Variants in EXOC6B observed in about 807,000 individuals in gnomAD.
The protein encoded by EXOC6B is SEC15 homolog B.
EXOC6B carries 54 observed loss-of-function variants against 113.5 expected under a neutral mutation model. The ratio of observed to expected loss-of-function variants is 0.48; its 90% confidence interval spans 0.38 to 0.60. EXOC6B has a LOEUF of 0.60. EXOC6B is among the 20% of genes least tolerant of loss of function. EXOC6B has a pLI of 0.00. For missense variants in EXOC6B, 797 were observed against 977.5 expected, an observed-to-expected ratio of 0.82 and a Z score of 2.46; for synonymous variants, 357 against 339.0, an observed-to-expected ratio of 1.05 and a Z score of -0.58.
intron 19 of EXOC6B, among the ~76,000 whole-genome samples, chr2:72,349,190 A>G (rs568281530): frequency 6.6e-4 from 101 of 152,334 alleles, no homozygotes; most frequent in African/African-American, 2.3e-3. Context: ...TATGGGACTG[A>G]ATCGAATACA....
chr2:72,500,916 A>AT (rs1700285421), intron 11 of EXOC6B, among the ~76,000 whole-genome samples: 1 of 152,132 alleles, frequency 6.6e-6, no homozygotes, highest in Admixed American at 6.5e-5. Context: ...TTTTATACAT[A>AT]TTGATGCTTC....
chr2:72,263,554 C>A (rs1313283205), intron 20 of EXOC6B: 1 of 152,196 alleles, frequency 6.6e-6, no homozygotes, highest in Non-Finnish European at 1.5e-5. Flanking sequence ...GAAACTAAAT[C>A]TATGAATGCT....
At chr2:72,641,742 A>G (rs1252852078) in intron 6 of EXOC6B, among the ~76,000 whole-genome samples, 1 of 152,240 alleles carries the variant, frequency 6.6e-6, no homozygotes, top group Admixed American at 6.5e-5. Flanking sequence ...AGCCCTGAGA[A>G]CAGACAGACT....
At chr2:72,245,845 A>T (rs951190854) in intron 20 of EXOC6B, among the ~76,000 whole-genome samples, 1 of 152,260 alleles carries the variant, frequency 6.6e-6, no homozygotes, top group Non-Finnish European at 1.5e-5. Context: ...CACCTTTTAA[A>T]AAAACATCTG....
intron 1 of EXOC6B, among the ~76,000 whole-genome samples, chr2:72,769,467 T>C (rs764698125): frequency 1.1e-4 from 16 of 152,190 alleles, no homozygotes; most frequent in South Asian, 2.1e-4. Context: ...ATTTATATTA[T>C]ACTCTGAGTC....
intron 19 of EXOC6B, among the ~76,000 whole-genome samples, chr2:72,352,481 T>A (rs1313286934): frequency 6.6e-6 from 1 of 152,152 alleles, no homozygotes; most frequent in East Asian, 1.9e-4. Context: ...AAGGTGATAT[T>A]TGGGTTTTTT....
intron 6 of EXOC6B, among the ~76,000 whole-genome samples, chr2:72,716,248 A>T (rs979244257): frequency 6.6e-6 from 1 of 152,202 alleles, no homozygotes; most frequent in Non-Finnish European, 1.5e-5. Flanking sequence ...CAATGGAAGG[A>T]TTCTAAGTAC....
rs199798987 is a variant in EXOC6B, at chr2:72,718,239, C to T, written c.533G>A (p.Arg178Gln). 1,590 of 1,613,762 alleles carry T rather than the reference C, an allele frequency of 9.9e-4. 2 individuals carry two copies. Among genetic ancestry groups the T allele is most frequent in the Non-Finnish European group, 1.3e-3 (1,496 of 1,179,768 alleles). Reference sequence around the variant, plus strand: ...GTTGTCCACCATCACCTTGCAGAATCGATAGTGGCTTACTTGAGGCAGGTA... The same window carrying T: ...GTTGTCCACCATCACCTTGCAGAATTGATAGTGGCTTACTTGAGGCAGGTA... Reference protein sequence around the residue: ...HTYLPQVSHYRFCKVMVDNIP... With the variant: ...HTYLPQVSHYQFCKVMVDNIP... The change falls in exon 6 of 22, where the codon CGA becomes CAA. Residue 178 changes from arginine (R) to glutamine (Q), a missense_variant. By Grantham distance (43) the Arg-to-Gln change is conservative (BLOSUM62 1). Coordinates refer to ENST00000272427, the MANE Select transcript of EXOC6B (RefSeq NM_015189.3).
intron 6 of EXOC6B, among the ~76,000 whole-genome samples, chr2:72,712,967 A>G (rs181324157): frequency 9.2e-5 from 14 of 152,356 alleles, no homozygotes; most frequent in African/African-American, 2.9e-4. Context: ...CATAAGCCAC[A>G]TATGCTTCAG....
intron 6 of EXOC6B, among the ~76,000 whole-genome samples, chr2:72,608,177 A>G (rs1670863720): frequency 6.6e-6 from 1 of 152,152 alleles, no homozygotes; most frequent in Non-Finnish European, 1.5e-5. Context: ...AGAATGGAGC[A>G]TTAATATTTG....
rs565915162 is a variant in EXOC6B, at chr2:72,629,364, C to T, written c.670-53696G>A. On this transcript the variant is annotated intron_variant, in intron 6 of 21. Coordinates refer to ENST00000272427, the MANE Select transcript of EXOC6B (RefSeq NM_015189.3). Reference sequence around the variant, plus strand: ...ATGCACTGCTTGTAAACTGTTCCAACCTCTACTTACAATTAGTTATTTAAG... The same window carrying T: ...ATGCACTGCTTGTAAACTGTTCCAATCTCTACTTACAATTAGTTATTTAAG... Among the ~76,000 whole-genome samples the T allele has an allele frequency of 3.3e-5, 5 of 152,140 alleles. No homozygotes were observed. The South Asian group carries it at 1.0e-3, about 32-fold the overall frequency.
At chr2:72,423,759 A>C (rs1332890346) in intron 18 of EXOC6B, among the ~76,000 whole-genome samples, 1 of 152,136 alleles carries the variant, frequency 6.6e-6, no homozygotes, top group Non-Finnish European at 1.5e-5. Flanking sequence ...GTGCACACAT[A>C]CATACACACA....
intron 19 of EXOC6B, among the ~76,000 whole-genome samples, chr2:72,336,868 A>G (rs1240080843): frequency 6.6e-6 from 1 of 152,150 alleles, no homozygotes. Context: ...TTAGCTGGGC[A>G]TGGTGACACA....
At chr2:72,730,918 G>T (rs1273640168) in intron 5 of EXOC6B, 89 bp downstream of exon 5, 13 of 876,652 alleles carry the variant, frequency 1.5e-5, no homozygotes, top group Non-Finnish European at 2.2e-5. Flanking sequence ...TTAATTTTTT[G>T]AAAAGTTATG....
At chr2:72,601,687 T>A (rs1415714505) in intron 6 of EXOC6B, among the ~76,000 whole-genome samples, 2 of 152,146 alleles carry the variant, frequency 1.3e-5, no homozygotes, top group Non-Finnish European at 2.9e-5. Flanking sequence ...CACAAATAAG[T>A]TGAAAATTTA....
intron 7 of EXOC6B, among the ~76,000 whole-genome samples, chr2:72,563,999 C>T (rs1355377813): frequency 1.3e-5 from 2 of 152,074 alleles, no homozygotes; most frequent in African/African-American, 4.8e-5. Flanking sequence ...AAAAGACTCA[C>T]TAGTGAAGGA....
intron 19 of EXOC6B, among the ~76,000 whole-genome samples, chr2:72,359,765 T>C (rs1690191922): frequency 2.0e-5 from 3 of 152,156 alleles, no homozygotes; most frequent in African/African-American, 7.2e-5. Flanking sequence ...AATCTCACGT[T>C]GAAACATGAT....
intron 18 of EXOC6B, among the ~76,000 whole-genome samples, chr2:72,438,513 G>T (rs1250594306): frequency 6.6e-6 from 1 of 152,156 alleles, no homozygotes; most frequent in Non-Finnish European, 1.5e-5. Flanking sequence ...GGAAGCTGAG[G>T]TGGGAGGATC....
intron 20 of EXOC6B, among the ~76,000 whole-genome samples, chr2:72,271,646 T>C (rs542355124): frequency 6.6e-6 from 1 of 152,272 alleles, no homozygotes; most frequent in East Asian, 1.9e-4. Context: ...TTGGTCCTTA[T>C]ATAATGTAAA....
Sources: gnomAD v4.1 joint callset for allele counts (sites outside exome capture counted in the v4.1 genomes callset) on GRCh38, gnomAD v4.1.1 for gene constraint, MANE v1.5 for transcripts, NCBI Gene and HGNC (gene_info 2026-07-23, HGNC 2026-07-21) for gene names.